VIT: variants seen among roughly 807,000 people sequenced by gnomAD.
VIT encodes vitrin.
Under a neutral mutation model 78.0 loss-of-function variants are expected in VIT, and 99 were observed. That is an observed-to-expected ratio of 1.27 (90% CI 1.08 to 1.50). The LOEUF (loss-of-function observed/expected upper bound fraction) is 1.50. Among genes scored for constraint, VIT ranks in the 40% most tolerant of loss-of-function variants. The pLI is 0.00. For synonymous variants in VIT, 374 were observed against 334.3 expected (o/e 1.12, Z -1.29); for missense variants, 1,126 against 875.3 (o/e 1.29, Z -3.61).
At chr2:36,787,455 TCTGAGACTTC>T (rs1182495783) in intron 12 of VIT, among the ~76,000 whole-genome samples, 179 bp downstream of exon 12, 1 of 152,186 alleles carries the variant, frequency 6.6e-6, no homozygotes, top group Non-Finnish European at 1.5e-5. Flanking sequence ...CTTTAAGAAA[TCTGAGACTTC>T]CTGAAGGAAG....
chr2:36,765,493 A>C (rs1669376433), intron 6 of VIT, among the ~76,000 whole-genome samples: 1 of 151,564 alleles, frequency 6.6e-6, no homozygotes, highest in South Asian at 2.1e-4. Flanking sequence ...GAACTCACTC[A>C]CTATCATGAA....
At chr2:36,718,720 G>A (rs1861389) in intron 2 of VIT, among the ~76,000 whole-genome samples, 74,882 of 151,994 alleles carry the variant, frequency 0.49, 19,197 homozygotes, top group Admixed American at 0.63. Flanking sequence ...TGGACCAGGA[G>A]CCCTCCCCCA....
rs1667929287 is a variant in VIT at position 36,743,080 on chromosome 2, A to G, written c.119-20A>G. The G allele has an allele frequency of 6.2e-7, 1 of 1,613,282 alleles. No individual in the cohort carries two copies. Among genetic ancestry groups the G allele is most frequent in the South Asian group, 1.1e-5 (1 of 90,992 alleles). ...ACTAATAGCACAAGGTGTAATTTTGACCTCATTTTGTATTCCCAGCTGTGC... is the reference window on the plus strand; with the variant it reads ...ACTAATAGCACAAGGTGTAATTTTGGCCTCATTTTGTATTCCCAGCTGTGC... On this transcript the variant is annotated intron_variant, in intron 3 of 15. Coordinates refer to ENST00000379242, the MANE Select transcript of VIT (RefSeq NM_053276.4).
chr2:36,812,343 A>T (rs1667233861), intron 15 of VIT, among the ~76,000 whole-genome samples: 1 of 152,162 alleles, frequency 6.6e-6, no homozygotes, highest in African/African-American at 2.4e-5. Context: ...GGAAGGCTAC[A>T]TCCAGGCTCT....
At chr2:36,773,369 C>T (rs1453865260) in intron 7 of VIT, among the ~76,000 whole-genome samples, 2 of 150,712 alleles carry the variant, frequency 1.3e-5, no homozygotes, top group African/African-American at 4.9e-5. Context: ...GTTTGGACTG[C>T]CCAAATATAG....
In VIT at chr2:36,726,829, A is replaced by AC. The variant is rs1385300396; in HGVS notation, c.53-2597_53-2596insC. 6.8e-5 allele frequency among the ~76,000 whole-genome samples: 10 copies of AC among 147,070 alleles called. No individual in the cohort carries two copies. In the South Asian group the frequency reaches 1.1e-3, roughly 16 times the overall value. ...GTGGGACTCTGTCTCAAAAAAAAAA[A>AC]AAAAAAAAAAAAAACAAAACCTCAG... On this transcript the variant is annotated intron_variant, in intron 2 of 15. Transcript: ENST00000379242.
rs574564173 is a variant in VIT, at chr2:36,732,696, G to A, written c.118+3205G>A. ...CAACAGCAACCCAGACTCGATCTATGCCCTCACAGAGCTCACAATCAAAGG... is the reference window on the plus strand; with the variant it reads ...CAACAGCAACCCAGACTCGATCTATACCCTCACAGAGCTCACAATCAAAGG... On this transcript the variant is annotated intron_variant, in intron 3 of 15. Coordinates refer to ENST00000379242, the MANE Select transcript of VIT (RefSeq NM_053276.4). 4.6e-5 allele frequency among the ~76,000 whole-genome samples: 7 copies of A among 152,282 alleles called. No homozygotes were observed. In the South Asian group the frequency reaches 1.4e-3, roughly 32 times the overall value.
At chr2:36,704,972 T>C (rs1665320801) in intron 1 of VIT, among the ~76,000 whole-genome samples, 1 of 152,190 alleles carries the variant, frequency 6.6e-6, no homozygotes, top group African/African-American at 2.4e-5. Context: ...GGGATCATAG[T>C]TGAGCAGAAC....
chr2:36,774,466 T>A, intron 8 of VIT: 1 of 981,504 alleles, frequency 1.0e-6, no homozygotes, highest in Non-Finnish European at 1.2e-6. Flanking sequence ...GTCTATGAGC[T>A]GATAGACTTG....
chr2:36,799,937 A>G (rs927003595), intron 12 of VIT, among the ~76,000 whole-genome samples: 1 of 151,730 alleles, frequency 6.6e-6, no homozygotes, highest in African/African-American at 2.4e-5. Context: ...AGTCCCAGCT[A>G]CTTGGGAGAC....
chr2:36,771,958 G>C (rs960387197), intron 7 of VIT, among the ~76,000 whole-genome samples: 5 of 152,144 alleles, frequency 3.3e-5, no homozygotes, highest in Admixed American at 3.3e-4. Flanking sequence ...ATGAGAGCAT[G>C]TACATCCCAC....
intron 13 of VIT, 130 bp from the exon 14 acceptor site, chr2:36,805,308 G>GAAAAA (rs567911067): frequency 5.4e-4 from 317 of 585,102 alleles, no homozygotes; most frequent in South Asian, 1.2e-3. Context: ...TGTCTCAAAG[G>GAAAAA]AAAAAAAAAA....
intron 2 of VIT, among the ~76,000 whole-genome samples, chr2:36,719,781 A>C (rs1666380318): frequency 6.6e-6 from 1 of 152,066 alleles, no homozygotes; most frequent in African/African-American, 2.4e-5. Context: ...TCTACCAATA[A>C]ATTTTAAAAA....
rs372689790 is a variant in VIT, at chr2:36,699,626, G to GTAGGTAGATAGATAGATAGATAGA, written c.-19+2656_-19+2657insGTAGATAGATAGATAGATAGATAG. ...GATATAGATATAGATAGATATATAG[G>GTAGGTAGATAGATAGATAGATAGA]TAGATAGATAGATAGATAGATAGAT... On this transcript the variant is annotated intron_variant, in intron 1 of 15. Transcript: ENST00000379242. Among the ~76,000 whole-genome samples, 164 of 141,978 alleles carry GTAGGTAGATAGATAGATAGATAGA rather than the reference G, an allele frequency of 1.2e-3. 1 individual carries two copies. Among genetic ancestry groups the GTAGGTAGATAGATAGATAGATAGA allele is most frequent in the African/African-American group, 2.9e-3 (109 of 37,794 alleles). The allele number at this position is 141,978 out of a possible 152,430, so 93.1% of individuals were successfully genotyped here.
chr2:36,810,308 T>A (rs1232194597), intron 15 of VIT, among the ~76,000 whole-genome samples: 3 of 152,060 alleles, frequency 2.0e-5, no homozygotes, highest in Admixed American at 1.3e-4. Flanking sequence ...AATAAAATGT[T>A]CAAAGAGCTA....
intron 6 of VIT, among the ~76,000 whole-genome samples, chr2:36,763,082 G>A (rs1441198536): frequency 7.9e-5 from 12 of 152,190 alleles, no homozygotes; most frequent in Admixed American, 6.5e-4. Context: ...CTTTGTTAGA[G>A]GCTACTGAGC....
rs762242220 is a variant in VIT, at chr2:36,808,938, G to A, written c.1856G>A (p.Arg619Lys). ...TTAATGATCCTCATCACCGACGGGAGGTCCTACGACGACGTCCGGATCCCA... is the reference window on the plus strand; with the variant it reads ...TTAATGATCCTCATCACCGACGGGAAGTCCTACGACGACGTCCGGATCCCA... ...RKLMILITDG[R>K]SYDDVRIPAM... is the part of the protein sequence containing the mutation. Residue 619 changes from arginine (R) to lysine (K), a missense_variant, in exon 15 of 16, where the codon AGG (arginine) becomes AAG (lysine). Physicochemically the swap from Arg to Lys is conservative, Grantham distance 26. Transcript: ENST00000379242. 2 of 1,611,440 alleles carry A rather than the reference G, an allele frequency of 1.2e-6. No homozygotes were observed. The highest frequency in any genetic ancestry group is 1.7e-5 in the Admixed American group (1 of 59,902).
chr2:36,748,829 T>C (rs554377374), intron 4 of VIT, among the ~76,000 whole-genome samples: 2 of 152,334 alleles, frequency 1.3e-5, no homozygotes, highest in South Asian at 4.1e-4. Context: ...TGCCTCTCTA[T>C]TGACTTTCAG....
intron 10 of VIT, 75 bp from the exon 11 acceptor site, chr2:36,783,265 A>T: frequency 6.8e-7 from 1 of 1,473,864 alleles, no homozygotes; most frequent in South Asian, 1.2e-5. Flanking sequence ...AATATCCATT[A>T]TGTCCCCTCC....
Sources: gnomAD v4.1 joint callset for allele counts (sites outside exome capture counted in the v4.1 genomes callset) on GRCh38, gnomAD v4.1.1 for gene constraint, MANE v1.5 for transcripts, NCBI Gene and HGNC (gene_info 2026-07-23, HGNC 2026-07-21) for gene names.